The following HEMK2 variants were observed in gnomAD, a reference collection of about 807,000 sequenced individuals.
HEMK2 encodes the protein HemK methyltransferase 2, ETF1 glutamine and histone H4 lysine, also known as methyltransferase HEMK2.
At chr21:28,864,379 G>A in the HEMK2 span, among the ~76,000 whole-genome samples, 1 of 152,026 alleles carries the variant, frequency 6.6e-6, no homozygotes. Context: ...TTTAAAAAGT[G>A]TATTAATTTG....
chr21:28,595,492 G>T, the HEMK2 span, among the ~76,000 whole-genome samples: 1 of 152,130 alleles, frequency 6.6e-6, no homozygotes, highest in Admixed American at 6.5e-5. Flanking sequence ...TTTCATCCAT[G>T]TTGTTGCAAA....
chr21:28,825,238 C>T, the HEMK2 span, among the ~76,000 whole-genome samples: 1 of 152,180 alleles, frequency 6.6e-6, no homozygotes, highest in Non-Finnish European at 1.5e-5. Flanking sequence ...TGTTAGAACA[C>T]AAATTGCTGG....
chr21:28,716,381 G>T, the HEMK2 span, among the ~76,000 whole-genome samples: 4,014 of 152,068 alleles, frequency 0.026, 172 homozygotes, highest in African/African-American at 0.09. Context: ...TATTTTGTGG[G>T]TTTTTTTGTG....
the HEMK2 span, among the ~76,000 whole-genome samples, chr21:28,758,237 T>C: frequency 2.0e-5 from 3 of 152,008 alleles, no homozygotes; most frequent in Admixed American, 6.6e-5. Flanking sequence ...CTAGTGTAGA[T>C]GGAAGACTGA....
the HEMK2 span, among the ~76,000 whole-genome samples, chr21:28,644,419 C>T: frequency 2.6e-5 from 4 of 152,088 alleles, no homozygotes. Flanking sequence ...GGGGACACAG[C>T]AAAACCATAT....
At chr21:28,579,377 C>A in the HEMK2 span, among the ~76,000 whole-genome samples, 1 of 152,142 alleles carries the variant, frequency 6.6e-6, no homozygotes, top group Non-Finnish European at 1.5e-5. Flanking sequence ...CTTCTTTGAA[C>A]AGGTTTGAAC....
At chr21:28,689,958 TG>T in the HEMK2 span, among the ~76,000 whole-genome samples, 1 of 152,140 alleles carries the variant, frequency 6.6e-6, no homozygotes, top group South Asian at 2.1e-4. Flanking sequence ...TACCCAAAAC[TG>T]GGTAATTTAT....
the HEMK2 span, among the ~76,000 whole-genome samples, chr21:28,650,799 G>A: frequency 1.3e-5 from 2 of 152,154 alleles, no homozygotes; most frequent in Non-Finnish European, 2.9e-5. Context: ...CCATGGGGGT[G>A]AATGATGTTA....
At chr21:28,738,843 C>G in the HEMK2 span, among the ~76,000 whole-genome samples, 1 of 152,226 alleles carries the variant, frequency 6.6e-6, no homozygotes, top group African/African-American at 2.4e-5. Flanking sequence ...AGCACATGCA[C>G]TTCTGGGGCA....
the HEMK2 span, among the ~76,000 whole-genome samples, chr21:28,736,608 T>C: frequency 2.6e-5 from 4 of 151,996 alleles, no homozygotes; most frequent in Non-Finnish European, 4.4e-5. Context: ...GTACTAAAAA[T>C]AGAAAAATTA....
the HEMK2 span, among the ~76,000 whole-genome samples, chr21:28,588,819 T>C: frequency 1.3e-5 from 2 of 151,892 alleles, no homozygotes; most frequent in Admixed American, 1.3e-4. Flanking sequence ...CTGTCTCTAC[T>C]AAAAATACAA....
the HEMK2 span, among the ~76,000 whole-genome samples, chr21:28,686,242 T>C: frequency 6.6e-6 from 1 of 152,102 alleles, no homozygotes; most frequent in Non-Finnish European, 1.5e-5. Context: ...GTTGTTGCTG[T>C]TTGTTTTTTG....
chr21:28,839,000 T>TATATATATATATATATACAC, the HEMK2 span, among the ~76,000 whole-genome samples: 6 of 58,000 alleles, frequency 1.0e-4, no homozygotes, highest in Admixed American at 7.7e-4. Context: ...TATATATATA[T>TATATATATATATATATACAC]ACATATATAT....
chr21:28,815,384 AAAAAAAAG>A, the HEMK2 span, among the ~76,000 whole-genome samples: 1 of 152,088 alleles, frequency 6.6e-6, no homozygotes, highest in South Asian at 2.1e-4. Context: ...TAATAATTAA[AAAAAAAAG>A]AAAAAAAGAT....
At chr21:28,699,848 C>G in the HEMK2 span, among the ~76,000 whole-genome samples, 1 of 152,138 alleles carries the variant, frequency 6.6e-6, no homozygotes, top group Non-Finnish European at 1.5e-5. Flanking sequence ...GAACTGCAAA[C>G]GCTTGATTTA....
At chr21:28,815,740 A>G in the HEMK2 span, among the ~76,000 whole-genome samples, 5 of 152,214 alleles carry the variant, frequency 3.3e-5, no homozygotes, top group Non-Finnish European at 7.4e-5. Context: ...AAGCAACAGC[A>G]TCAAAAAATG....
At chr21:28,799,082 A>G in the HEMK2 span, among the ~76,000 whole-genome samples, 2 of 152,166 alleles carry the variant, frequency 1.3e-5, no homozygotes, top group Non-Finnish European at 2.9e-5. Flanking sequence ...GCACCTCCCT[A>G]GGATTGCCAG....
At chr21:28,610,415 C>T in the HEMK2 span, among the ~76,000 whole-genome samples, 1 of 151,978 alleles carries the variant, frequency 6.6e-6, no homozygotes, top group Admixed American at 6.5e-5. Flanking sequence ...TCTAAATCTT[C>T]AAACGAATCC....
chr21:28,797,202 C>G, the HEMK2 span, among the ~76,000 whole-genome samples: 33 of 152,276 alleles, frequency 2.2e-4, no homozygotes, highest in Middle Eastern at 3.4e-3. Flanking sequence ...CAGTCATCCC[C>G]ACTGTTGAAT....
Sources: gnomAD v4.1 joint callset for allele counts (sites outside exome capture counted in the v4.1 genomes callset) on GRCh38, gnomAD v4.1.1 for gene constraint, MANE v1.5 for transcripts, NCBI Gene and HGNC (gene_info 2026-07-23, HGNC 2026-07-21) for gene names.